ITPR1: variants seen among roughly 807,000 people sequenced by gnomAD.
ITPR1 encodes the protein inositol 1,4,5-trisphosphate-gated calcium channel ITPR1.
Under a neutral mutation model 318.4 loss-of-function variants are expected in ITPR1, and 96 were observed. The ratio of observed to expected loss-of-function variants is 0.30; its 90% CI spans 0.26 to 0.36. The LOEUF (loss-of-function observed/expected upper bound fraction) is 0.36, where lower values mean the gene tolerates loss of function less well. ITPR1 is among the 10% of genes least tolerant of loss of function. The pLI is 1.00. For missense variants in ITPR1, 2,440 were observed against 3,460.2 expected, an observed-to-expected ratio of 0.71 and a Z score of 7.40; for synonymous variants, 1,312 against 1,289.9, an observed-to-expected ratio of 1.02 and a Z score of -0.37.
In ITPR1 at chr3:4,818,158, C is replaced by T. The variant is rs770509452; in HGVS notation, c.7944C>T (p.His2648=). ...EHIKEEHNMW[H]YLCFIVLVKV... ...TCAAGGAAGAACACAACATGTGGCACTATCTGTGCTTCATCGTCCTGGTGA... is the reference window on the plus strand; with the variant it reads ...TCAAGGAAGAACACAACATGTGGCATTATCTGTGCTTCATCGTCCTGGTGA... The change falls in exon 60 of 62, where the codon CAC becomes CAT. Residue 2648 remains histidine, a synonymous_variant. Transcript: ENST00000649015. The T allele has an allele frequency of 3.7e-6, 6 of 1,607,678 alleles. No homozygotes were observed. In the East Asian group the frequency reaches 1.1e-4, roughly 30 times the overall value.
At chr3:4,837,527 G>A (rs531601105) in intron 61 of ITPR1, among the ~76,000 whole-genome samples, 7 of 152,052 alleles carry the variant, frequency 4.6e-5, no homozygotes, top group African/African-American at 1.2e-4. Context: ...ACCATCCACA[G>A]AAATACTGCC....
Position 4,814,496 on chromosome 3 carries a change from T to C in ITPR1, c.7635T>C (p.Thr2545=), listed in dbSNP as rs711631. The C allele has an allele frequency of 0.83, 1,334,511 of 1,613,016 alleles. 554,103 individuals carry two copies. Among genetic ancestry groups the C allele is most frequent in the East Asian group, 0.94 (42,091 of 44,818 alleles). ...AGACGCTGCTGATGTGCATTGTCAC[T>C]GTGCTGAGTCACGGGCTGCGGAGCG... ...TCETLLMCIV[T]VLSHGLRSGG... The change falls in exon 58 of 62, where the codon ACT becomes ACC. Residue 2545 remains threonine, a synonymous_variant. Coordinates refer to ENST00000649015, the MANE Select transcript of ITPR1 (RefSeq NM_001378452.1).
At chr3:4,526,880 C>G (rs1575417442) in intron 4 of ITPR1, among the ~76,000 whole-genome samples, 1 of 152,222 alleles carries the variant, frequency 6.6e-6, no homozygotes, top group African/African-American at 2.4e-5. Context: ...TAGTGAAAAT[C>G]TTTAAGAAAC....
chr3:4,624,456 G>A (rs2092749923), intron 4 of ITPR1, among the ~76,000 whole-genome samples: 1 of 152,064 alleles, frequency 6.6e-6, no homozygotes, highest in African/African-American at 2.4e-5. Flanking sequence ...ATCACTTGAG[G>A]TCAGGAGTTC....
At chr3:4,696,308 G>T (rs192850553) in intron 33 of ITPR1, among the ~76,000 whole-genome samples, 1 of 152,154 alleles carries the variant, frequency 6.6e-6, no homozygotes, top group African/African-American at 2.4e-5. Context: ...GCAACTGATT[G>T]TCTTTCTGAA....
At chr3:4,693,814 A>G (rs1250228568) in intron 33 of ITPR1, 73 bp downstream of exon 33, 5 of 1,505,024 alleles carry the variant, frequency 3.3e-6, no homozygotes, top group African/African-American at 1.4e-5. Flanking sequence ...ACTGGGAGAC[A>G]TGGTGGTGGC....
chr3:4,709,468 G>A (rs1352982157), intron 37 of ITPR1, among the ~76,000 whole-genome samples: 3 of 152,204 alleles, frequency 2.0e-5, no homozygotes, highest in Non-Finnish European at 4.4e-5. Context: ...CCATGCAAAT[G>A]TCCTTGGGTA....
chr3:4,681,258 T>G (rs1036010130), intron 25 of ITPR1, 106 bp from the exon 26 acceptor site: 54 of 744,654 alleles, frequency 7.3e-5, no homozygotes, highest in South Asian at 4.5e-5. Context: ...TCTGGGAGAT[T>G]TGGGGTTAAC....
At chr3:4,803,370 C>A (rs1265907994) in intron 54 of ITPR1, among the ~76,000 whole-genome samples, 18 of 152,108 alleles carry the variant, frequency 1.2e-4, no homozygotes, top group Admixed American at 1.2e-3. Flanking sequence ...ATGAAGGAGG[C>A]AAATATGACT....
At chr3:4,564,561 C>T (rs2087022953) in intron 4 of ITPR1, among the ~76,000 whole-genome samples, 3 of 152,056 alleles carry the variant, frequency 2.0e-5, no homozygotes, top group Admixed American at 1.3e-4. Flanking sequence ...ACCTGATAAC[C>T]AAGGTAGTGT....
At chr3:4,753,959 G>A (rs2044744568) in intron 44 of ITPR1, among the ~76,000 whole-genome samples, 1 of 149,390 alleles carries the variant, frequency 6.7e-6, no homozygotes, top group African/African-American at 2.5e-5. Context: ...CAGTTCCTAA[G>A]TCACCCCTAT....
intron 44 of ITPR1, among the ~76,000 whole-genome samples, chr3:4,747,311 G>T (rs2044179774): frequency 6.6e-6 from 1 of 152,192 alleles, no homozygotes; most frequent in African/African-American, 2.4e-5. Context: ...TGAGGAAATA[G>T]AGGATCCGAG....
At chr3:4,654,492 C>T (rs913898683) in intron 12 of ITPR1, among the ~76,000 whole-genome samples, 1 of 152,186 alleles carries the variant, frequency 6.6e-6, no homozygotes, top group African/African-American at 2.4e-5. Context: ...ACACTTTGGA[C>T]TTCAGGTGTC....
chr3:4,628,854 C>T (rs1182651641), intron 5 of ITPR1, among the ~76,000 whole-genome samples: 3 of 152,252 alleles, frequency 2.0e-5, no homozygotes, highest in Admixed American at 6.5e-5. Context: ...AGACCTAGAG[C>T]ATCTGTGAGC....
intron 4 of ITPR1, among the ~76,000 whole-genome samples, chr3:4,612,497 C>T (rs541702941): frequency 6.6e-6 from 1 of 152,288 alleles, no homozygotes; most frequent in East Asian, 1.9e-4. Flanking sequence ...CATGGCTAAT[C>T]TTGTTTTTTT....
chr3:4,602,335 C>A (rs1208918137), intron 4 of ITPR1, among the ~76,000 whole-genome samples: 1 of 151,952 alleles, frequency 6.6e-6, no homozygotes, highest in Non-Finnish European at 1.5e-5. Context: ...GCCTAGGCAA[C>A]ATGGCAAAAC....
chr3:4,622,470 C>T (rs1443860714), intron 4 of ITPR1, among the ~76,000 whole-genome samples: 2 of 151,624 alleles, frequency 1.3e-5, no homozygotes, highest in East Asian at 3.9e-4. Context: ...TGTCGCCAGG[C>T]TGGAGTGCAA....
chr3:4,603,574 G>T (rs900105223), intron 4 of ITPR1, among the ~76,000 whole-genome samples: 1 of 151,900 alleles, frequency 6.6e-6, no homozygotes, highest in African/African-American at 2.4e-5. Flanking sequence ...GGACTACAGG[G>T]GCGCGCCACC....
chr3:4,677,788 G>T (rs753848415), intron 24 of ITPR1, among the ~76,000 whole-genome samples: 2 of 152,062 alleles, frequency 1.3e-5, no homozygotes, highest in Non-Finnish European at 2.9e-5. Context: ...TGTATACAGG[G>T]AGAGTTTGTT....
Sources: gnomAD v4.1 joint callset for allele counts (sites outside exome capture counted in the v4.1 genomes callset) on GRCh38, gnomAD v4.1.1 for gene constraint, MANE v1.5 for transcripts, NCBI Gene and HGNC (gene_info 2026-07-23, HGNC 2026-07-21) for gene names.